Variants in PPP1R9A observed in about 807,000 individuals in gnomAD.
PPP1R9A encodes the protein protein phosphatase 1 regulatory subunit 9A.
In PPP1R9A, 59 loss-of-function variants were observed where a neutral mutation model predicts 141.9. The ratio of observed to expected loss-of-function variants is 0.42; its 90% CI spans 0.34 to 0.52. The LOEUF (loss-of-function observed/expected upper bound fraction) is 0.52, where lower values mean the gene tolerates loss of function less well. PPP1R9A is among the 20% of genes least tolerant of loss of function. The probability of loss-of-function intolerance (pLI) is 0.10; values close to 1 mark genes in which losing one functional copy is unlikely to be tolerated. For missense variants in PPP1R9A, 1,444 were observed against 1,611.9 expected, an observed-to-expected ratio of 0.90 and a Z score of 1.78; for synonymous variants, 500 against 569.7, an observed-to-expected ratio of 0.88 and a Z score of 1.74.
chr7:95,268,792 C>T lies in PPP1R9A; in HGVS notation c.2823+85C>T, dbSNP rs921342870. ...CTTATTGAAGATTATGATTTTTCTGCAAACAGAGTCTATGTCCTAGTTGGT... is the reference window on the plus strand; with the variant it reads ...CTTATTGAAGATTATGATTTTTCTGTAAACAGAGTCTATGTCCTAGTTGGT... On this transcript the variant is annotated intron_variant, in intron 13 of 19. Transcript: ENST00000433360. 6.7e-6 allele frequency: 10 copies of T among 1,489,046 alleles called. No individual in the cohort carries two copies. In the African/African-American group the frequency reaches 1.4e-4, roughly 21 times the overall value. 92.2% of individuals were successfully genotyped at this position (1,489,046 alleles called of 1,614,324 possible).
intron 2 of PPP1R9A, among the ~76,000 whole-genome samples, chr7:94,963,206 G>A (rs1360686890): frequency 6.6e-6 from 1 of 152,068 alleles, no homozygotes; most frequent in African/African-American, 2.4e-5. Flanking sequence ...GACATTTTAG[G>A]AATTTGAAAT....
intron 2 of PPP1R9A, among the ~76,000 whole-genome samples, chr7:94,933,379 A>G (rs1392232742): frequency 6.6e-6 from 1 of 152,218 alleles, no homozygotes; most frequent in Non-Finnish European, 1.5e-5. Flanking sequence ...CATGTAAAGT[A>G]TCAAAGTGCT....
intron 16 of PPP1R9A, 74 bp from the exon 17 acceptor site, chr7:95,283,944 C>G (rs1585632665): frequency 7.9e-7 from 1 of 1,265,058 alleles, no homozygotes; most frequent in Non-Finnish European, 1.1e-6. Flanking sequence ...AAACTATATT[C>G]AGAGTCCTTG....
chr7:95,225,912 T>G (rs1305914241), intron 7 of PPP1R9A, 49 bp from the exon 8 acceptor site: 14 of 1,538,256 alleles, frequency 9.1e-6, no homozygotes, highest in Non-Finnish European at 1.2e-5. Context: ...ATAACTCACC[T>G]CCACCTGGGG....
At chr7:95,081,195 C>A (rs1482432458) in intron 2 of PPP1R9A, among the ~76,000 whole-genome samples, 4 of 152,006 alleles carry the variant, frequency 2.6e-5, no homozygotes, top group Admixed American at 2.6e-4. Flanking sequence ...ACAAAAATAG[C>A]CAGCAGTAAC....
intron 2 of PPP1R9A, among the ~76,000 whole-genome samples, chr7:95,044,688 G>C (rs1213678681): frequency 6.8e-6 from 1 of 147,900 alleles, no homozygotes; most frequent in Non-Finnish European, 1.5e-5. Context: ...GAGATTACAG[G>C]TGTGAGCCAC....
intron 8 of PPP1R9A, among the ~76,000 whole-genome samples, chr7:95,231,683 A>G (rs935437878): frequency 2.6e-5 from 4 of 152,126 alleles, no homozygotes; most frequent in Admixed American, 6.6e-5. Flanking sequence ...TTTAAAAGTT[A>G]TTCGAACTAT....
At chr7:95,180,490 C>G (rs1833576001) in intron 5 of PPP1R9A, among the ~76,000 whole-genome samples, 1 of 152,126 alleles carries the variant, frequency 6.6e-6, no homozygotes, top group Non-Finnish European at 1.5e-5. Flanking sequence ...GACCAAGAAC[C>G]CAAAAGCAAA....
intron 4 of PPP1R9A, among the ~76,000 whole-genome samples, chr7:95,133,926 C>T (rs896200891): frequency 6.6e-6 from 1 of 152,122 alleles, no homozygotes; most frequent in African/African-American, 2.4e-5. Context: ...GGCAGCCATC[C>T]TCCTGCCTCA....
intron 2 of PPP1R9A, among the ~76,000 whole-genome samples, chr7:95,010,753 A>G (rs985605944): frequency 3.9e-5 from 6 of 152,046 alleles, no homozygotes; most frequent in African/African-American, 7.2e-5. Context: ...AAAAAATTCT[A>G]TATACTACTG....
intron 2 of PPP1R9A, among the ~76,000 whole-genome samples, chr7:94,959,853 T>G (rs1797429981): frequency 6.6e-6 from 1 of 151,760 alleles, no homozygotes. Flanking sequence ...TATTTCATAT[T>G]TTAAATCTCC....
intron 4 of PPP1R9A, among the ~76,000 whole-genome samples, chr7:95,138,194 A>C (rs972913963): frequency 6.6e-5 from 10 of 152,158 alleles, no homozygotes; most frequent in Admixed American, 5.2e-4. Flanking sequence ...GGTCTCCCAA[A>C]GTGCTGGGAT....
At chr7:95,041,914 AGAAGTT>A (rs1373948934) in intron 2 of PPP1R9A, among the ~76,000 whole-genome samples, 6 of 152,178 alleles carry the variant, frequency 3.9e-5, no homozygotes, top group Non-Finnish European at 8.8e-5. Flanking sequence ...TGGTGCAAAT[AGAAGTT>A]ACAACACTTT....
chr7:95,291,508 G>A lies in PPP1R9A; in HGVS notation c.*1205G>A, dbSNP rs1806357247. 1 of 152,160 alleles carries A rather than the reference G, an allele frequency of 6.6e-6. No individual in the cohort carries two copies. Among genetic ancestry groups the A allele is most frequent in the South Asian group, 2.1e-4 (1 of 4,824 alleles). 9.4% of individuals were successfully genotyped at this position (152,160 alleles called of 1,614,324 possible). On this transcript the variant is annotated 3_prime_UTR_variant, in exon 20 of 20. Coordinates refer to ENST00000433360, the MANE Select transcript of PPP1R9A (RefSeq NM_001166160.2). ...CAGTGCATAGGTATACTTTAGTAGT[G>A]GAGGAACTTATACTAATTTTAAGCC... is the stretch of plus-strand genomic sequence containing the variant.
At chr7:94,946,704 A>G (rs1435059345) in intron 2 of PPP1R9A, among the ~76,000 whole-genome samples, 2 of 152,192 alleles carry the variant, frequency 1.3e-5, no homozygotes, top group East Asian at 3.8e-4. Context: ...AAAGACCCAC[A>G]TGATTGATTA....
chr7:94,920,320 T>A (rs1253353343), intron 2 of PPP1R9A, among the ~76,000 whole-genome samples: 1 of 152,116 alleles, frequency 6.6e-6, no homozygotes, highest in African/African-American at 2.4e-5. Context: ...ACTTTTGCTC[T>A]GGAAATAGCT....
chr7:94,964,394 T>C (rs1797977591), intron 2 of PPP1R9A, among the ~76,000 whole-genome samples: 1 of 152,024 alleles, frequency 6.6e-6, no homozygotes, highest in Non-Finnish European at 1.5e-5. Flanking sequence ...GAATGTGCAG[T>C]TTACATAGGT....
intron 8 of PPP1R9A, among the ~76,000 whole-genome samples, chr7:95,233,590 G>C (rs1300132084): frequency 6.6e-6 from 1 of 152,080 alleles, no homozygotes; most frequent in Non-Finnish European, 1.5e-5. Context: ...GCTGCATTCT[G>C]TCAGACATTC....
intron 3 of PPP1R9A, among the ~76,000 whole-genome samples, chr7:95,113,716 A>G (rs1820980640): frequency 6.6e-6 from 1 of 152,186 alleles, no homozygotes. Flanking sequence ...TGAAAGAAAG[A>G]CATCTGCTGC....
Sources: allele counts gnomAD v4.1 joint callset (sites outside exome capture counted in the v4.1 genomes callset), GRCh38; gene constraint gnomAD v4.1.1; transcripts MANE v1.5; gene names NCBI Gene and HGNC (gene_info 2026-07-23, HGNC 2026-07-21).